Variants in EYS observed in about 807,000 individuals in gnomAD.
EYS encodes the protein EGF-like photoreceptor maintenance factor.
EYS carries 250 observed loss-of-function variants against 282.1 expected under a neutral mutation model. The observed-to-expected ratio is 0.89, with a 90% CI of 0.80 to 0.98. EYS has a LOEUF of 0.98. EYS is among the 50% of genes least tolerant of loss of function. The probability of loss-of-function intolerance (pLI) is 0.00; values close to 1 mark genes in which losing one functional copy is unlikely to be tolerated. For missense variants in EYS, 4,016 were observed against 3,709.0 expected (o/e 1.08, Z -2.15); for synonymous variants, 1,355 against 1,282.9 (o/e 1.06, Z -1.20).
At chr6:64,257,440 G>A (rs935699059) in intron 30 of EYS, among the ~76,000 whole-genome samples, 5 of 151,788 alleles carry the variant, frequency 3.3e-5, no homozygotes, top group Non-Finnish European at 7.4e-5. Context: ...AAGTTAGTTT[G>A]GCCTCAATAT....
intron 31 of EYS, among the ~76,000 whole-genome samples, chr6:64,147,796 CA>C (rs1222636524): frequency 6.6e-6 from 1 of 152,152 alleles, no homozygotes; most frequent in African/African-American, 2.4e-5. Flanking sequence ...ATTGTAGAAG[CA>C]TGTGTTTCTG....
intron 26 of EYS, among the ~76,000 whole-genome samples, chr6:64,521,497 A>AAGTGGATGATTC (rs112121926): frequency 2.0e-5 from 3 of 151,806 alleles, no homozygotes; most frequent in African/African-American, 7.2e-5. Context: ...TAGAGTACTA[A>AAGTGGATGATTC]AGTGGATGAT....
At chr6:65,171,952 A>G (rs767937708) in intron 12 of EYS, among the ~76,000 whole-genome samples, 1 of 151,438 alleles carries the variant, frequency 6.6e-6, no homozygotes, top group Non-Finnish European at 1.5e-5. Context: ...GAGTTAACAG[A>G]ATTTTATTAA....
chr6:64,072,122 A>C (rs1418767998), intron 32 of EYS, among the ~76,000 whole-genome samples: 2 of 152,028 alleles, frequency 1.3e-5, no homozygotes, highest in Admixed American at 6.6e-5. Flanking sequence ...AAATAGATTA[A>C]GTCAATATTG....
At chr6:64,050,915 T>C (rs1770788972) in intron 33 of EYS, among the ~76,000 whole-genome samples, 1 of 152,190 alleles carries the variant, frequency 6.6e-6, no homozygotes, top group Non-Finnish European at 1.5e-5. Flanking sequence ...ATCTGAATGA[T>C]CTGAATATTG....
At chr6:65,007,365 C>G (rs896524584) in intron 13 of EYS, among the ~76,000 whole-genome samples, 1 of 152,082 alleles carries the variant, frequency 6.6e-6, no homozygotes, top group Non-Finnish European at 1.5e-5. Flanking sequence ...GACCCTCAGA[C>G]GCTAAGAAAG....
chr6:64,126,016 T>C (rs2150277932), intron 31 of EYS, among the ~76,000 whole-genome samples: 2 of 151,992 alleles, frequency 1.3e-5, no homozygotes, highest in Middle Eastern at 3.4e-3. Flanking sequence ...CAACAGGTGC[T>C]GGAGAGGATG....
At chr6:65,199,897 G>C (rs565912228) in intron 12 of EYS, among the ~76,000 whole-genome samples, 1 of 152,078 alleles carries the variant, frequency 6.6e-6, no homozygotes, top group African/African-American at 2.4e-5. Flanking sequence ...CCTAGATTGC[G>C]AAAACATGTT....
chr6:64,545,872 G>C (rs1764844526), intron 26 of EYS, among the ~76,000 whole-genome samples: 1 of 152,024 alleles, frequency 6.6e-6, no homozygotes, highest in African/African-American at 2.4e-5. Flanking sequence ...AAATAAAAGA[G>C]GATACAAACA....
intron 33 of EYS, among the ~76,000 whole-genome samples, chr6:64,029,771 T>G (rs912875009): frequency 1.3e-5 from 2 of 152,172 alleles, no homozygotes; most frequent in African/African-American, 4.8e-5. Context: ...CAGGGACCAG[T>G]GCCCAGTTAG....
intron 29 of EYS, among the ~76,000 whole-genome samples, chr6:64,336,281 G>A (rs1770848735): frequency 6.6e-6 from 1 of 152,086 alleles, no homozygotes. Flanking sequence ...TAAAGGTGTA[G>A]GAAAAGGAAT....
intron 12 of EYS, among the ~76,000 whole-genome samples, chr6:65,147,583 A>T (rs1764510481): frequency 6.6e-6 from 1 of 152,130 alleles, no homozygotes. Flanking sequence ...ATCTAATCAT[A>T]TCTTGATATT....
chr6:64,321,247 C>A (rs564750042), intron 29 of EYS, among the ~76,000 whole-genome samples: 2 of 151,698 alleles, frequency 1.3e-5, no homozygotes, highest in South Asian at 4.1e-4. Context: ...AGTCTCTCCA[C>A]TATCATGTTT....
chr6:64,689,690 G>A (rs375951454), intron 22 of EYS, among the ~76,000 whole-genome samples: 3 of 152,122 alleles, frequency 2.0e-5, no homozygotes. Context: ...AGAACCATCT[G>A]ATCTTTGACA....
intron 2 of EYS, among the ~76,000 whole-genome samples, chr6:65,596,835 T>C (rs1441518453): frequency 6.6e-6 from 1 of 152,068 alleles, no homozygotes; most frequent in Non-Finnish European, 1.5e-5. Context: ...TGAAAAAGCA[T>C]TGTTAATATC....
intron 12 of EYS, among the ~76,000 whole-genome samples, chr6:65,123,152 C>T (rs747023405): frequency 2.6e-5 from 4 of 151,974 alleles, no homozygotes; most frequent in African/African-American, 4.8e-5. Flanking sequence ...ATCCTTTCTT[C>T]GACTGGGGAA....
At chr6:64,048,030 C>T (rs1485855886) in intron 33 of EYS, among the ~76,000 whole-genome samples, 2 of 152,100 alleles carry the variant, frequency 1.3e-5, no homozygotes, top group Non-Finnish European at 2.9e-5. Context: ...CTCAGCCTCC[C>T]AAGTAGCTGG....
chr6:65,655,451 A>G (rs1394586228), intron 1 of EYS, among the ~76,000 whole-genome samples: 2 of 151,882 alleles, frequency 1.3e-5, no homozygotes, highest in African/African-American at 4.8e-5. Flanking sequence ...AATTATAAAT[A>G]TATGTTGATA....
intron 12 of EYS, among the ~76,000 whole-genome samples, chr6:65,286,971 G>A (rs780967614): frequency 6.6e-6 from 1 of 151,292 alleles, no homozygotes; most frequent in East Asian, 1.9e-4. Flanking sequence ...ACGTAAAGCC[G>A]GGAGCAGCTT....
Sources: gnomAD v4.1 joint callset for allele counts (sites outside exome capture counted in the v4.1 genomes callset) on GRCh38, gnomAD v4.1.1 for gene constraint, MANE v1.5 for transcripts, NCBI Gene and HGNC (gene_info 2026-07-23, HGNC 2026-07-21) for gene names.